Variants in RPS3A observed in about 807,000 individuals in gnomAD.
RPS3A encodes the protein small ribosomal subunit protein eS1.
In RPS3A, 1 loss-of-function variant was observed where a neutral mutation model predicts 26.4. The observed-to-expected ratio is 0.04, with a 90% confidence interval of 0.01 to 0.18. The LOEUF is 0.18. RPS3A is among the 10% of genes least tolerant of loss of function. The probability of loss-of-function intolerance (pLI) is 1.00; values close to 1 mark genes in which losing one functional copy is unlikely to be tolerated. For synonymous variants in RPS3A, 97 were observed against 106.1 expected, an observed-to-expected ratio of 0.91 and a Z score of 0.53; for missense variants, 139 against 326.8, an observed-to-expected ratio of 0.43 and a Z score of 4.43.
Position 151,099,661 on chromosome 4 carries a change from T to G in RPS3A, c.9T>G (p.Val3=). 6.2e-7 allele frequency: 1 copy of G among 1,613,986 alleles called. No individual in the cohort carries two copies. Residue 3 remains valine (V), a synonymous_variant, in exon 1 of 6, where the codon GTT becomes GTG. Coordinates refer to ENST00000274065, the MANE Select transcript of RPS3A (RefSeq NM_001006.5). The stretch of plus-strand genomic sequence containing the variant: ...GCTCTCTGACCAGCACCATGGCGGT[T>G]GGCAAGAACAAGCGCCTTACGAAAG... MA[V]GKNKRLTKGG...
At chr4:151,103,234 T>C in intron 4 of RPS3A, 155 bp downstream of exon 4, 1 of 1,324,120 alleles carries the variant, frequency 7.6e-7, no homozygotes, top group Non-Finnish European at 1.0e-6. Flanking sequence ...TGTTAAGTAC[T>C]CAGTAAATAT....
rs770958297 is a variant in RPS3A at position 151,102,854 on chromosome 4, G to A, written c.355-17G>A. On this transcript the variant is annotated splice_polypyrimidine_tract_variant and intron_variant, in intron 3 of 5. Coordinates refer to ENST00000274065, the MANE Select transcript of RPS3A (RefSeq NM_001006.5). ...AACGTAAAACCTGTTAAATCTGACG[G>A]TATCTTTTTTCTCCAGACAATGATT... 6.2e-7 allele frequency: 1 copy of A among 1,606,460 alleles called. No individual in the cohort carries two copies. Among genetic ancestry groups the A allele is most frequent in the Admixed American group, 1.7e-5 (1 of 59,592 alleles).
intron 1 of RPS3A, chr4:151,099,950 C>T (rs1220030226): frequency 3.0e-6 from 2 of 671,348 alleles, no homozygotes; most frequent in Admixed American, 2.0e-5. Context: ...GGCTTGCCGG[C>T]GCGACTCGGC....
chr4:151,099,890 C>G (rs1436126242), intron 1 of RPS3A, 176 bp downstream of exon 1: 12 of 612,250 alleles, frequency 2.0e-5, no homozygotes, highest in Admixed American at 1.5e-4. Context: ...AGCGGCAGGT[C>G]GGCTGCCTTT....
At chr4:151,100,200 C>G (rs940179276) in intron 1 of RPS3A, among the ~76,000 whole-genome samples, 1 of 152,086 alleles carries the variant, frequency 6.6e-6, no homozygotes, top group Non-Finnish European at 1.5e-5. Context: ...GTTACTCGTG[C>G]CTGTGTAGTG....
chr4:151,103,682 G>C, intron 4 of RPS3A: 1 of 1,093,040 alleles, frequency 9.1e-7, no homozygotes, highest in African/African-American at 1.6e-5. Context: ...TGGTAGGATT[G>C]TTTGAGCCCA....
At chr4:151,102,649 A>C (rs1747180676) in intron 3 of RPS3A, 3 of 527,730 alleles carry the variant, frequency 5.7e-6, no homozygotes, top group Non-Finnish European at 6.8e-6. Context: ...AGGAGGAGGG[A>C]GGGCAGTTGA....
At chr4:151,101,233 G>A (rs1332151546) in intron 3 of RPS3A, 71 bp downstream of exon 3, 12 of 835,354 alleles carry the variant, frequency 1.4e-5, no homozygotes, top group Admixed American at 1.2e-4. Flanking sequence ...TTTGATGACT[G>A]GAAGGAGCAA....
chr4:151,100,881 T>C (rs1322045251), intron 2 of RPS3A, 94 bp from the exon 3 acceptor site: 11 of 849,158 alleles, frequency 1.3e-5, no homozygotes, highest in Non-Finnish European at 1.8e-5. Flanking sequence ...GTCTTTATAA[T>C]TTACCATTAA....
At chr4:151,101,390 A>G (rs1318423353) in intron 3 of RPS3A, among the ~76,000 whole-genome samples, 1 of 152,246 alleles carries the variant, frequency 6.6e-6, no homozygotes, top group African/African-American at 2.4e-5. Context: ...ATAGTGGTGT[A>G]TCATCAAAGT....
rs386401872 is a variant in RPS3A, at chr4:151,104,439, GTTTTTTTTTT to G, written c.674-19_674-10del. The G allele has an allele frequency of 9.1e-5, 65 of 711,716 alleles. No homozygotes were observed. Among genetic ancestry groups the G allele is most frequent in the Admixed American group, 6.6e-4 (8 of 12,084 alleles). The allele number at this position is 711,716 out of a possible 1,614,324, so 44.1% of individuals were successfully genotyped here. A position where few individuals can be genotyped will look rare whatever the true frequency, so the allele number is the denominator to read the frequency against. On this transcript the variant is annotated intron_variant, in intron 5 of 5. Coordinates refer to ENST00000274065, the MANE Select transcript of RPS3A (RefSeq NM_001006.5). ...TTCAAGATATACTAACAGTTTTTTG[GTTTTTTTTTT>G]TTTTTTTTTTTTTGCCTTTTAGTGG...
At position 151,102,845 on chromosome 4, in the gene RPS3A, AATCTGACGGT is replaced by A; in HGVS notation, c.355-21_355-12del. ...TAAATGGATAACGTAAAACCTGTTA[AATCTGACGGT>A]ATCTTTTTTCTCCAGACAATGATTG... On this transcript the variant is annotated splice_polypyrimidine_tract_variant and intron_variant, in intron 3 of 5. Transcript: ENST00000274065. 1 of 1,602,032 alleles carries A rather than the reference AATCTGACGGT, an allele frequency of 6.2e-7. No individual in the cohort carries two copies.
At chr4:151,102,813 T>A in intron 3 of RPS3A, 58 bp from the exon 4 acceptor site, 1 of 1,532,902 alleles carries the variant, frequency 6.5e-7, no homozygotes, top group Non-Finnish European at 8.8e-7. Context: ...AATTAGAACT[T>A]GAGGGATAAA....
Position 151,102,952 on chromosome 4 carries a change from C to A in RPS3A, c.436C>A (p.Arg146Ser), listed in dbSNP as rs761078443. 1 of 1,610,078 alleles carries A rather than the reference C, an allele frequency of 6.2e-7. No homozygotes were observed. Among genetic ancestry groups the A allele is most frequent in the Non-Finnish European group, 8.5e-7 (1 of 1,178,946 alleles). The change falls in exon 4 of 6, where the codon CGC (arginine) becomes AGC (serine). Residue 146 changes from arginine to serine, a missense_variant. Physicochemically the swap from Arg to Ser is moderately radical, Grantham distance 110 (BLOSUM62 -1). Transcript: ENST00000274065. ...RLFCVGFTKK[R>S]NNQIRKTSYA... ...GTTCTGTGTTGGTTTTACTAAAAAA[C>A]GCAACAATCAGATACGGAAGACCTC...
chr4:151,099,981 C>T (rs1160223644), intron 1 of RPS3A: 4 of 654,100 alleles, frequency 6.1e-6, no homozygotes, highest in Non-Finnish European at 1.1e-5. Flanking sequence ...GTTTTGTGGG[C>T]TCACGAGCTG....
At chr4:151,102,045 T>G (rs1332449105) in intron 3 of RPS3A, 1 of 518,242 alleles carries the variant, frequency 1.9e-6, no homozygotes, top group Admixed American at 1.9e-5. Context: ...GTTCGAATAT[T>G]TTGTATGTGG....
intron 1 of RPS3A, 136 bp downstream of exon 1, chr4:151,099,850 G>C: frequency 1.0e-6 from 1 of 962,000 alleles, no homozygotes; most frequent in East Asian, 2.6e-5. Flanking sequence ...GGTGCACCCA[G>C]GAACGCGGCC....
At chr4:151,103,543 T>G in intron 4 of RPS3A, 1 of 1,030,532 alleles carries the variant, frequency 9.7e-7, no homozygotes, top group Non-Finnish European at 1.2e-6. Flanking sequence ...TTATTTATTT[T>G]GAATGAAGCT....
At chr4:151,104,439 G>GTTTTTT (rs386401872) in intron 5 of RPS3A, 33 bp from the exon 6 acceptor site, 10,224 of 699,264 alleles carry the variant, frequency 0.015, 38 homozygotes, top group Non-Finnish European at 0.016. Flanking sequence ...CAGTTTTTTG[G>GTTTTTT]TTTTTTTTTT....
Sources: gnomAD v4.1 joint callset for allele counts (sites outside exome capture counted in the v4.1 genomes callset) on GRCh38, gnomAD v4.1.1 for gene constraint, MANE v1.5 for transcripts, NCBI Gene and HGNC (gene_info 2026-07-23, HGNC 2026-07-21) for gene names.